The following PHACTR2 variants were observed in gnomAD, a reference collection of about 807,000 sequenced individuals.
The protein encoded by PHACTR2 is phosphatase and actin regulator 2.
A neutral mutation model predicts 76.0 loss-of-function variants in PHACTR2; 30 were observed. That is an observed-to-expected ratio of 0.39 (90% CI 0.30 to 0.54). The LOEUF is 0.54. Ranked by LOEUF, PHACTR2 falls within the 20% of genes least tolerant of loss-of-function variation. PHACTR2 has a pLI of 0.61. For missense variants in PHACTR2, 696 were observed against 781.1 expected, an observed-to-expected ratio of 0.89 and a Z score of 1.30; for synonymous variants, 292 against 292.5, an observed-to-expected ratio of 1.00 and a Z score of 0.02.
intron 1 of PHACTR2, among the ~76,000 whole-genome samples, chr6:143,567,827 T>C (rs1775384751): frequency 1.3e-5 from 2 of 152,210 alleles, no homozygotes; most frequent in South Asian, 2.1e-4. Context: ...AATCCTTAGA[T>C]GTATCGAGGT....
upstream of PHACTR2, among the ~76,000 whole-genome samples, chr6:143,677,094 T>A (rs139558009): frequency 1.3e-5 from 2 of 152,308 alleles, no homozygotes; most frequent in East Asian, 3.9e-4. Flanking sequence ...ATATATGCCT[T>A]CAGCAAAGTG....
rs1779587328 is a variant in PHACTR2 at position 143,767,530 on chromosome 6, G to A, written c.1232+1732G>A. Among the ~76,000 whole-genome samples the A allele has an allele frequency of 6.6e-6, 1 of 152,128 alleles. No homozygotes were observed. The highest frequency in any genetic ancestry group is 1.5e-5 in the Non-Finnish European group (1 of 68,022). On this transcript the variant is annotated intron_variant, in intron 6 of 12. Transcript: ENST00000440869. The surrounding 1 kb of genome is among the most constrained non-coding windows in gnomAD (Gnocchi z 4.4). ...TGAACGGTTATGGTGTCTTTCTTAGGACATTTTGTGCTGCTGTAATAGAGT... is the reference window on the plus strand; with the variant it reads ...TGAACGGTTATGGTGTCTTTCTTAGAACATTTTGTGCTGCTGTAATAGAGT...
rs962596535 is a variant in PHACTR2, at chr6:143,777,853, T to G, written c.1645+470T>G. On this transcript the variant is annotated intron_variant, in intron 9 of 12. Coordinates refer to ENST00000440869, the MANE Select transcript of PHACTR2 (RefSeq NM_001100164.2). The surrounding 1 kb of genome is among the most constrained non-coding windows in gnomAD (Gnocchi z 4.6). ...ATTTTCAATCCATTGCATTTTCCTATGTTATGATAACTCGGCTTCCTTCTT... is the reference window on the plus strand; with the variant it reads ...ATTTTCAATCCATTGCATTTTCCTAGGTTATGATAACTCGGCTTCCTTCTT... Among the ~76,000 whole-genome samples, 1 of 152,238 alleles carries G rather than the reference T, an allele frequency of 6.6e-6. No homozygotes were observed. The highest frequency in any genetic ancestry group is 1.9e-4 in the East Asian group (1 of 5,202).
Position 143,801,718 on chromosome 6 carries a change from C to G in PHACTR2, c.1846-5339C>G, listed in dbSNP as rs954080830. Among the ~76,000 whole-genome samples, 1 of 152,170 alleles carries G rather than the reference C, an allele frequency of 6.6e-6. No individual in the cohort carries two copies. The highest frequency in any genetic ancestry group is 2.4e-5 in the African/African-American group (1 of 41,440). The stretch of plus-strand genomic sequence containing the variant: ...ACTCTGTCAACTCATCAAACTCATT[C>G]TCCGTCCAGTTTTGTTCCCTTGCTG... On this transcript the variant is annotated intron_variant, in intron 11 of 12. Transcript: ENST00000440869. This position sits in a 1 kb window ranked among gnomAD's most constrained non-coding sequence, Gnocchi z 4.6.
At position 143,547,794 on chromosome 6, in the gene PHACTR2, G is replaced by T. The variant is rs1036643529; in HGVS notation, c.217+10587G>T. Among the ~76,000 whole-genome samples the T allele has an allele frequency of 6.6e-6, 1 of 152,158 alleles. No individual in the cohort carries two copies. Among genetic ancestry groups the T allele is most frequent in the Non-Finnish European group, 1.5e-5 (1 of 68,036 alleles). ...CCAGGAACTGATACATTGATACATT[G>T]GTTGTGATCAAGGAGGGCACTCTCT... On this transcript the variant is annotated intron_variant, in intron 1 of 11. Coordinates refer to the PHACTR2 transcript ENST00000367584. This position sits in a 1 kb window ranked among gnomAD's most constrained non-coding sequence, Gnocchi z 4.2.
At position 143,765,218 on chromosome 6, in the gene PHACTR2, A is replaced by C. The variant is rs746969000; in HGVS notation, c.695-43A>C. On this transcript the variant is annotated intron_variant, in intron 5 of 12. Coordinates refer to ENST00000440869, the MANE Select transcript of PHACTR2 (RefSeq NM_001100164.2). The surrounding 1 kb of genome is among the most constrained non-coding windows in gnomAD (Gnocchi z 4.1). Reference sequence around the variant, plus strand: ...CCTTGGTTACTTTATTTTAAAAAGCATTGTATTCTTTGATTTTTTAATGCA... The same window carrying C: ...CCTTGGTTACTTTATTTTAAAAAGCCTTGTATTCTTTGATTTTTTAATGCA... 3.4e-6 allele frequency: 5 copies of C among 1,472,312 alleles called. No homozygotes were observed. The highest frequency in any genetic ancestry group is 4.6e-6 in the Non-Finnish European group (5 of 1,076,608). 91.2% of individuals were successfully genotyped at this position (1,472,312 alleles called of 1,614,324 possible). A position where few individuals can be genotyped will look rare whatever the true frequency, so the allele number is the denominator to read the frequency against.
At chr6:143,564,175 GTGTGTGTA>G (rs1373873981) in intron 1 of PHACTR2, among the ~76,000 whole-genome samples, 1 of 34,754 alleles carries the variant, frequency 2.9e-5, no homozygotes, top group Admixed American at 2.8e-4. Flanking sequence ...GCATATATGT[GTGTGTGTA>G]TGTGTGTGTG....
At position 143,784,735 on chromosome 6, in the gene PHACTR2, G is replaced by C. The variant is rs1391019131; in HGVS notation, c.1707+1455G>C. Among the ~76,000 whole-genome samples, 2 of 152,194 alleles carry C rather than the reference G, an allele frequency of 1.3e-5. No homozygotes were observed. The highest frequency in any genetic ancestry group is 4.8e-5 in the African/African-American group (2 of 41,456). ...ACTTATAGTTCCACATGGCTGGGGA[G>C]GCCTCAGAATCATGGCAGGAGGCAA... is the stretch of plus-strand genomic sequence containing the variant. On this transcript the variant is annotated intron_variant, in intron 10 of 12. Transcript: ENST00000440869. This position sits in a 1 kb window ranked among gnomAD's most constrained non-coding sequence, Gnocchi z 4.5.
At chr6:143,568,104 T>TA (rs967719641) in intron 1 of PHACTR2, among the ~76,000 whole-genome samples, 4 of 151,696 alleles carry the variant, frequency 2.6e-5, no homozygotes, top group African/African-American at 7.3e-5. Flanking sequence ...TTGATTTTTT[T>TA]AAAAAAATCC....
chr6:143,662,426 T>G lies in PHACTR2; in HGVS notation c.14-49590T>G, dbSNP rs1245293159. 6.6e-6 allele frequency among the ~76,000 whole-genome samples: 1 copy of G among 152,220 alleles called. No individual in the cohort carries two copies. Among genetic ancestry groups the G allele is most frequent in the Non-Finnish European group, 1.5e-5 (1 of 68,026 alleles). On this transcript the variant is annotated intron_variant, in intron 1 of 11. Coordinates refer to the PHACTR2 transcript ENST00000305766. The surrounding 1 kb of genome is among the most constrained non-coding windows in gnomAD (Gnocchi z 4.7). ...TTTGTTATTCCCTTAAGATGTCGTTTGGAGTTTTAAAGATATCATTGTACT... is the reference window on the plus strand; with the variant it reads ...TTTGTTATTCCCTTAAGATGTCGTTGGGAGTTTTAAAGATATCATTGTACT...
At position 143,602,060 on chromosome 6, in the gene PHACTR2, T is replaced by G. The variant is rs541568130; in HGVS notation, c.217+64853T>G. Among the ~76,000 whole-genome samples the G allele has an allele frequency of 1.3e-5, 2 of 152,368 alleles. No homozygotes were observed. Among genetic ancestry groups the G allele is most frequent in the South Asian group, 4.1e-4 (2 of 4,828 alleles). ...AACATTCCAATTCCACTCTTTTAGTTATTTTGAAATATAAAATACGATTGT... is the reference window on the plus strand; with the variant it reads ...AACATTCCAATTCCACTCTTTTAGTGATTTTGAAATATAAAATACGATTGT... On this transcript the variant is annotated intron_variant, in intron 1 of 11. Transcript: ENST00000367584. The surrounding 1 kb of genome is among the most constrained non-coding windows in gnomAD (Gnocchi z 6.1).
At chr6:143,781,387 A>G (rs970061659) in intron 9 of PHACTR2, among the ~76,000 whole-genome samples, 1 of 152,220 alleles carries the variant, frequency 6.6e-6, no homozygotes, top group African/African-American at 2.4e-5. Context: ...TGCGTATTTA[A>G]TGACGACTGG....
At chr6:143,763,968 A>T (rs1779496716) in intron 5 of PHACTR2, among the ~76,000 whole-genome samples, 2 of 152,356 alleles carry the variant, frequency 1.3e-5, no homozygotes, top group Admixed American at 1.3e-4. Flanking sequence ...TAGGTCATGA[A>T]AGAAAAGAGT....
In PHACTR2 at chr6:143,663,566, A is replaced by G. The variant is rs750290955; in HGVS notation, c.14-48450A>G. On this transcript the variant is annotated intron_variant, in intron 1 of 11. Coordinates refer to the PHACTR2 transcript ENST00000305766. This position sits in a 1 kb window ranked among gnomAD's most constrained non-coding sequence, Gnocchi z 4.1. ...TTTGTTTTTTTAAATAAATGCGATT[A>G]AAGCTTTAAATATAGCTCTAATTAC... is the stretch of plus-strand genomic sequence containing the variant. Among the ~76,000 whole-genome samples the G allele has an allele frequency of 6.6e-6, 1 of 152,184 alleles. No homozygotes were observed. Among genetic ancestry groups the G allele is most frequent in the African/African-American group, 2.4e-5 (1 of 41,448 alleles).
At chr6:143,645,146 G>T (rs1313800357) in intron 1 of PHACTR2, among the ~76,000 whole-genome samples, 1 of 152,054 alleles carries the variant, frequency 6.6e-6, no homozygotes, top group African/African-American at 2.4e-5. Flanking sequence ...CCACTACTGG[G>T]CATCTACCCA....
chr6:143,560,800 A>G (rs2128429373), intron 1 of PHACTR2, among the ~76,000 whole-genome samples: 1 of 152,168 alleles, frequency 6.6e-6, no homozygotes, highest in African/African-American at 2.4e-5. Flanking sequence ...TTGGGTGCAC[A>G]GATGAGAGGG....
intron 9 of PHACTR2, among the ~76,000 whole-genome samples, chr6:143,781,903 A>AC (rs1775441228): frequency 6.6e-6 from 1 of 152,226 alleles, no homozygotes; most frequent in Non-Finnish European, 1.5e-5. Flanking sequence ...CTCTTTGTCT[A>AC]ATCACCTTCT....
At position 143,573,297 on chromosome 6, in the gene PHACTR2, A is replaced by G. The variant is rs376254006; in HGVS notation, c.217+36090A>G. On this transcript the variant is annotated intron_variant, in intron 1 of 11. Coordinates refer to the PHACTR2 transcript ENST00000367584. ...TTTACTTGGCTTTGGCCAGTCATCA[A>G]TGGCTGCGTGCTTGGTTTAAGGGTG... Among the ~76,000 whole-genome samples, 121 of 152,270 alleles carry G rather than the reference A, an allele frequency of 7.9e-4. No homozygotes were observed. The South Asian group carries it at 0.021, about 26-fold the overall frequency.
intron 1 of PHACTR2, among the ~76,000 whole-genome samples, chr6:143,575,569 A>G (rs888128527): frequency 6.6e-6 from 1 of 152,238 alleles, no homozygotes; most frequent in African/African-American, 2.4e-5. Flanking sequence ...TGATCAGCCA[A>G]TGTAATACTG....
Sources: gnomAD v4.1 joint callset for allele counts (sites outside exome capture counted in the v4.1 genomes callset) on GRCh38, gnomAD v4.1.1 for gene constraint, Gnocchi (gnomAD v3.1) non-coding constraint, MANE v1.5 for transcripts, NCBI Gene and HGNC (gene_info 2026-07-23, HGNC 2026-07-21) for gene names.